The following CDH18 variants were observed in gnomAD, a reference collection of about 807,000 sequenced individuals.
The protein encoded by CDH18 is cadherin 18.
Under a neutral mutation model 67.9 loss-of-function variants are expected in CDH18, and 31 were observed. The ratio of observed to expected loss-of-function variants is 0.46; its 90% CI spans 0.34 to 0.62. CDH18 has a LOEUF of 0.62. Ranked by LOEUF, CDH18 falls within the 20% of genes least tolerant of loss-of-function variation. The pLI is 0.01. For missense variants in CDH18, 890 were observed against 975.5 expected (o/e 0.91, Z 1.17); for synonymous variants, 362 against 347.2 (o/e 1.04, Z -0.48).
chr5:20,030,841 G>T (rs1739333636), intron 2 of CDH18, among the ~76,000 whole-genome samples: 1 of 152,194 alleles, frequency 6.6e-6, no homozygotes, highest in South Asian at 2.1e-4. Flanking sequence ...TAGAATCACA[G>T]AATTATAAGA....
At chr5:19,523,600 A>G (rs780563926) in intron 9 of CDH18, among the ~76,000 whole-genome samples, 27 of 152,260 alleles carry the variant, frequency 1.8e-4, no homozygotes, top group Non-Finnish European at 3.1e-4. Context: ...GTATGAAAAA[A>G]AGTAGGTTAA....
At chr5:20,205,956 A>G (rs997479489) in intron 2 of CDH18, among the ~76,000 whole-genome samples, 2 of 151,910 alleles carry the variant, frequency 1.3e-5, no homozygotes, top group Non-Finnish European at 2.9e-5. Flanking sequence ...GCAAGAATAA[A>G]TCAAACCCAG....
chr5:20,095,596 G>GAAAGAAAGAAAGAAAT (rs372447959), intron 2 of CDH18, among the ~76,000 whole-genome samples: 1 of 10,980 alleles, frequency 9.1e-5, no homozygotes, highest in South Asian at 3.3e-3. Flanking sequence ...AAGGAAGAAA[G>GAAAGAAAGAAAGAAAT]AAGAAAGAAA....
chr5:19,713,390 T>C (rs1764962491), intron 5 of CDH18, among the ~76,000 whole-genome samples: 1 of 152,156 alleles, frequency 6.6e-6, no homozygotes, highest in African/African-American at 2.4e-5. Flanking sequence ...CTCTGTTTGC[T>C]TAACAGCTTT....
At chr5:20,271,038 G>A (rs960028401) in intron 1 of CDH18, among the ~76,000 whole-genome samples, 2 of 152,032 alleles carry the variant, frequency 1.3e-5, no homozygotes, top group African/African-American at 4.8e-5. Context: ...ATGGGTACTA[G>A]ACTTAATACC....
chr5:20,346,983 C>G lies in CDH18; in HGVS notation c.-579-91478G>C, dbSNP rs185757457. Among the ~76,000 whole-genome samples the G allele has an allele frequency of 2.0e-5, 3 of 152,146 alleles. No individual in the cohort carries two copies. In the East Asian group the frequency reaches 5.8e-4, roughly 29 times the overall value. ...TGAGGGGTATGTGCTATAGCAGATA[C>G]TTCTTGTTGTTTTTATGTTAACTCC... is the stretch of plus-strand genomic sequence containing the variant. On this transcript the variant is annotated intron_variant, in intron 1 of 14. Transcript: ENST00000507958.
At chr5:20,341,309 G>A (rs1035855503) in intron 1 of CDH18, among the ~76,000 whole-genome samples, 33 of 152,002 alleles carry the variant, frequency 2.2e-4, no homozygotes, top group African/African-American at 6.0e-4. Context: ...GTGGAAAAAC[G>A]TAAAGAGATG....
chr5:20,275,827 C>G (rs974509345), intron 1 of CDH18, among the ~76,000 whole-genome samples: 1 of 152,168 alleles, frequency 6.6e-6, no homozygotes, highest in Non-Finnish European at 1.5e-5. Flanking sequence ...TTGCTCCTAT[C>G]TTCTGGCAGT....
intron 2 of CDH18, among the ~76,000 whole-genome samples, chr5:20,247,547 C>T (rs190355709): frequency 1.3e-5 from 2 of 152,030 alleles, no homozygotes; most frequent in East Asian, 1.9e-4. Flanking sequence ...GGGTGGATAA[C>T]GAGGTCAAGA....
At chr5:20,323,635 C>A (rs1242871279) in intron 1 of CDH18, among the ~76,000 whole-genome samples, 1 of 152,186 alleles carries the variant, frequency 6.6e-6, no homozygotes, top group Non-Finnish European at 1.5e-5. Context: ...TGGTATACAT[C>A]ATATCCAGAG....
intron 2 of CDH18, among the ~76,000 whole-genome samples, chr5:19,916,185 GA>G (rs1561553026): frequency 6.6e-6 from 1 of 152,018 alleles, no homozygotes; most frequent in Non-Finnish European, 1.5e-5. Flanking sequence ...AAACTATCAA[GA>G]GCCACACGTC....
chr5:19,542,485 C>A (rs1750430502), intron 9 of CDH18, among the ~76,000 whole-genome samples: 5 of 151,920 alleles, frequency 3.3e-5, no homozygotes, highest in Admixed American at 3.3e-4. Context: ...AATATTATTC[C>A]TATTAGGAAA....
chr5:19,924,504 T>C (rs898254614), intron 2 of CDH18, among the ~76,000 whole-genome samples: 4 of 151,944 alleles, frequency 2.6e-5, no homozygotes, highest in Admixed American at 6.6e-5. Context: ...CAGGCGCCTA[T>C]AATCCCAGCT....
Position 19,927,984 on chromosome 5 carries a change from T to C in CDH18, c.-257+53076A>G, listed in dbSNP as rs543921688. ...CCATGTCTATTAAATCCATCCTATC[T>C]TGTTGTGTTTATTTGAGGTAATCTA... On this transcript the variant is annotated intron_variant, in intron 2 of 12. Transcript: ENST00000382275. Among the ~76,000 whole-genome samples the C allele has an allele frequency of 3.3e-4, 50 of 152,278 alleles. 1 individual carries two copies. The South Asian group carries it at 9.7e-3, about 30-fold the overall frequency.
chr5:20,267,113 T>C (rs1745101032), intron 1 of CDH18, among the ~76,000 whole-genome samples: 2 of 152,196 alleles, frequency 1.3e-5, no homozygotes, highest in African/African-American at 4.8e-5. Context: ...AAAGAAAATG[T>C]GCAGAATTTA....
At chr5:20,162,813 C>A (rs572761599) in intron 2 of CDH18, among the ~76,000 whole-genome samples, 1 of 151,782 alleles carries the variant, frequency 6.6e-6, no homozygotes, top group South Asian at 2.1e-4. Flanking sequence ...AATCCCAGAA[C>A]TTTGGGAGGC....
At chr5:20,516,290 TAGG>T (rs1313860642) in intron 1 of CDH18, among the ~76,000 whole-genome samples, 25 of 151,900 alleles carry the variant, frequency 1.6e-4, no homozygotes, top group African/African-American at 5.6e-4. Context: ...TCTAAGCGCA[TAGG>T]AGAACAAGAG....
chr5:20,172,201 T>TATATAC (rs1554098688), intron 2 of CDH18, among the ~76,000 whole-genome samples: 2 of 54,978 alleles, frequency 3.6e-5, no homozygotes, highest in South Asian at 1.3e-3. Context: ...TATATATATA[T>TATATAC]ATATATATAT....
chr5:20,095,299 AAAAGAAAG>A (rs201165191), intron 2 of CDH18, among the ~76,000 whole-genome samples: 8,369 of 72,974 alleles, frequency 0.11, 777 homozygotes, highest in African/African-American at 0.14. Flanking sequence ...AACTTAAAGT[AAAAGAAAG>A]AAAGAAAGAA....
Sources: gnomAD v4.1 joint callset for allele counts (sites outside exome capture counted in the v4.1 genomes callset) on GRCh38, gnomAD v4.1.1 for gene constraint, MANE v1.5 for transcripts, NCBI Gene and HGNC (gene_info 2026-07-23, HGNC 2026-07-21) for gene names.